The following FMN1 variants were observed in gnomAD, a reference collection of about 807,000 sequenced individuals.
FMN1 encodes formin 1.
FMN1 carries 110 observed loss-of-function variants against 132.4 expected under a neutral mutation model. The ratio of observed to expected loss-of-function variants is 0.83; its 90% CI spans 0.71 to 0.97. The LOEUF is 0.97. FMN1 is among the 50% of genes least tolerant of loss of function. The pLI is 0.00. For missense variants in FMN1, 1,792 were observed against 1,705.3 expected, an observed-to-expected ratio of 1.05 and a Z score of -0.90; for synonymous variants, 722 against 651.7, an observed-to-expected ratio of 1.11 and a Z score of -1.64.
At chr15:33,089,059 G>C in intron 4 of FMN1, 85 bp from the exon 5 acceptor site, 1 of 1,115,060 alleles carries the variant, frequency 9.0e-7, no homozygotes, top group Non-Finnish European at 1.2e-6. Context: ...CTCCTACATA[G>C]ACTTCTCTAT....
At chr15:33,109,554 C>A (rs531181844) in intron 4 of FMN1, among the ~76,000 whole-genome samples, 2 of 152,108 alleles carry the variant, frequency 1.3e-5, no homozygotes, top group South Asian at 4.2e-4. Context: ...ATGGATGGAG[C>A]TGGAGGCTAC....
chr15:33,125,779 CACT>C (rs1963002825), intron 4 of FMN1, among the ~76,000 whole-genome samples: 1 of 151,964 alleles, frequency 6.6e-6, no homozygotes, highest in East Asian at 1.9e-4. Flanking sequence ...TAAAAACTCC[CACT>C]GTTTTAGTGA....
At chr15:32,823,338 G>A (rs764147228) in intron 17 of FMN1, among the ~76,000 whole-genome samples, 5 of 151,738 alleles carry the variant, frequency 3.3e-5, no homozygotes, top group Non-Finnish European at 7.4e-5. Flanking sequence ...ATTTCTTTTT[G>A]TATTTTTAGT....
rs768225478 is a variant in FMN1, at chr15:32,774,038, GCT to G, written c.*270_*271del. The G allele has an allele frequency of 2.2e-6, 1 of 463,510 alleles. No homozygotes were observed. Among genetic ancestry groups the G allele is most frequent in the Non-Finnish European group, 3.8e-6 (1 of 266,300 alleles). 28.7% of individuals were successfully genotyped at this position (463,510 alleles called of 1,614,324 possible). A position where few individuals can be genotyped will look rare whatever the true frequency, so the allele number is the denominator to read the frequency against. ...TTGGAAACATTTTGGTATTTCTTCT[GCT>G]CTTAGAGTGGACTTTGGGCTTCCAC... On this transcript the variant is annotated 3_prime_UTR_variant, in exon 21 of 21. Transcript: ENST00000616417.
At chr15:32,834,032 G>C (rs1460536114) in intron 17 of FMN1, among the ~76,000 whole-genome samples, 1 of 152,052 alleles carries the variant, frequency 6.6e-6, no homozygotes, top group Non-Finnish European at 1.5e-5. Context: ...CTGATTCTCA[G>C]AACCTCCTGG....
At chr15:32,811,466 C>T (rs762580754) in intron 17 of FMN1, among the ~76,000 whole-genome samples, 5 of 151,898 alleles carry the variant, frequency 3.3e-5, no homozygotes, top group Non-Finnish European at 5.9e-5. Context: ...GGAAACTAGG[C>T]TTTTGGTGAA....
intron 17 of FMN1, among the ~76,000 whole-genome samples, chr15:32,811,815 C>A (rs2141046521): frequency 6.6e-6 from 1 of 152,220 alleles, no homozygotes; most frequent in East Asian, 1.9e-4. Flanking sequence ...CAGGCACATG[C>A]CACCATGCCT....
At chr15:32,995,150 A>T (rs947626559) in intron 7 of FMN1, among the ~76,000 whole-genome samples, 1 of 152,100 alleles carries the variant, frequency 6.6e-6, no homozygotes, top group African/African-American at 2.4e-5. Flanking sequence ...TAATACTTCA[A>T]ATTATGTTTA....
rs548858525 is a variant in FMN1, at chr15:32,809,804, G to A, written c.3929-5472C>T. Among the ~76,000 whole-genome samples the A allele has an allele frequency of 8.6e-4, 131 of 152,224 alleles. No homozygotes were observed. The South Asian group carries it at 0.024, about 28-fold the overall frequency. On this transcript the variant is annotated intron_variant, in intron 17 of 20. Coordinates refer to ENST00000616417, the MANE Select transcript of FMN1 (RefSeq NM_001277313.2). The stretch of plus-strand genomic sequence containing the variant: ...ACAGCACACAGAATGCTATGTCAAG[G>A]TCACTGGCTTGCAGCTGGCTTTTCC...
rs1567182750 is a variant in FMN1, at chr15:32,798,180, ACACAC to A, written c.4130+619_4130+623del. Among the ~76,000 whole-genome samples, 1,125 of 149,048 alleles carry A rather than the reference ACACAC, an allele frequency of 7.5e-3. 18 individuals are homozygous for A. The highest frequency in any genetic ancestry group is 0.026 in the African/African-American group (1,040 of 40,296). On this transcript the variant is annotated intron_variant, in intron 19 of 20. Transcript: ENST00000616417. Reference sequence around the variant, plus strand: ...AATTCAATCTCTCTAAGGAAAACGCACACACACACACACACACACACACACACACA... The same window carrying A: ...AATTCAATCTCTCTAAGGAAAACGCAACACACACACACACACACACACACA...
intron 4 of FMN1, among the ~76,000 whole-genome samples, chr15:33,094,814 C>T (rs1020124659): frequency 6.6e-6 from 1 of 152,040 alleles, no homozygotes; most frequent in Non-Finnish European, 1.5e-5. Context: ...TTATGTGTGG[C>T]CATAGTTACA....
At chr15:32,805,182 T>A (rs770405540) in intron 17 of FMN1, among the ~76,000 whole-genome samples, 3 of 152,208 alleles carry the variant, frequency 2.0e-5, no homozygotes, top group East Asian at 3.8e-4. Flanking sequence ...GTTTCCTGAC[T>A]TTTTAGTGAT....
At chr15:33,049,649 A>G (rs1272439143) in intron 6 of FMN1, among the ~76,000 whole-genome samples, 1 of 152,222 alleles carries the variant, frequency 6.6e-6, no homozygotes, top group Admixed American at 6.5e-5. Flanking sequence ...AGGTTTTTCT[A>G]TACATCGTGA....
chr15:32,948,638 TTTCA>T lies in FMN1; in HGVS notation c.3138+15465_3138+15468del, dbSNP rs1216190964. Among the ~76,000 whole-genome samples, 10 of 152,166 alleles carry T rather than the reference TTTCA, an allele frequency of 6.6e-5. No homozygotes were observed. The East Asian group carries it at 1.9e-3, about 29-fold the overall frequency. ...CTTCTACAAAATTATTTCATATTAT[TTTCA>T]TTTATTGGCAAAAATTTGTTCATGG... On this transcript the variant is annotated intron_variant, in intron 9 of 20. Coordinates refer to ENST00000616417, the MANE Select transcript of FMN1 (RefSeq NM_001277313.2).
At chr15:33,150,123 G>GA in intron 4 of FMN1, 1 of 985,412 alleles carries the variant, frequency 1.0e-6, no homozygotes, top group South Asian at 4.7e-5. Flanking sequence ...CTAAAGATTG[G>GA]GCATTTCCCA....
intron 9 of FMN1, among the ~76,000 whole-genome samples, chr15:32,948,352 T>C (rs1477187463): frequency 6.6e-6 from 1 of 152,046 alleles, no homozygotes; most frequent in African/African-American, 2.4e-5. Context: ...TTCATATCTA[T>C]ATTTATGAGA....
At chr15:33,159,815 T>G (rs12901507) in intron 3 of FMN1, among the ~76,000 whole-genome samples, 25,622 of 152,106 alleles carry the variant, frequency 0.17, 3,044 homozygotes, top group African/African-American at 0.33. Flanking sequence ...GAATCAAGAA[T>G]AGAAAGAAGT....
In FMN1 at chr15:32,843,181, A is replaced by C. The variant is rs548669901; in HGVS notation, c.3928+13834T>G. On this transcript the variant is annotated intron_variant, in intron 17 of 20. Coordinates refer to ENST00000616417, the MANE Select transcript of FMN1 (RefSeq NM_001277313.2). ...AGGTAGGGGAGAGATTTGAACTCAG[A>C]TTTGTGCAATTCTAAAGCCAGCCTG... is the stretch of plus-strand genomic sequence containing the variant. 2.0e-5 allele frequency among the ~76,000 whole-genome samples: 3 copies of C among 149,462 alleles called. No homozygotes were observed. The East Asian group carries it at 6.2e-4, about 31-fold the overall frequency.
chr15:33,109,753 G>C (rs971224910), intron 4 of FMN1, among the ~76,000 whole-genome samples: 1 of 151,578 alleles, frequency 6.6e-6, no homozygotes, highest in Non-Finnish European at 1.5e-5. Flanking sequence ...ATACCTGGGT[G>C]ATGAAATAAT....
Sources: allele counts gnomAD v4.1 joint callset (sites outside exome capture counted in the v4.1 genomes callset), GRCh38; gene constraint gnomAD v4.1.1; transcripts MANE v1.5; gene names NCBI Gene and HGNC (gene_info 2026-07-23, HGNC 2026-07-21).